Variants in OLFM3 observed in about 807,000 individuals in gnomAD.
The protein encoded by OLFM3 is olfactomedin 3, also known as noelin-3.
In OLFM3, 20 loss-of-function variants were observed where a neutral mutation model predicts 48.6. That is an observed-to-expected ratio of 0.41 (90% confidence interval 0.29 to 0.60). OLFM3 has a LOEUF of 0.60. Ranked by LOEUF, OLFM3 falls within the 20% of genes least tolerant of loss-of-function variation. The pLI is 0.28. For missense variants in OLFM3, 437 were observed against 544.3 expected (o/e 0.80, Z 1.96); for synonymous variants, 222 against 198.1 (o/e 1.12, Z -1.01).
At chr1:101,879,057 A>AATT (rs1445018090) in intron 1 of OLFM3, among the ~76,000 whole-genome samples, 4 of 151,896 alleles carry the variant, frequency 2.6e-5, no homozygotes, top group African/African-American at 9.7e-5. Flanking sequence ...GAATGAACTG[A>AATT]ATTATCACCT....
chr1:101,922,347 G>A (rs1281667879), intron 1 of OLFM3, among the ~76,000 whole-genome samples: 1 of 152,126 alleles, frequency 6.6e-6, no homozygotes, highest in Non-Finnish European at 1.5e-5. Flanking sequence ...AGAGTTAGGA[G>A]TATAACCAAG....
chr1:101,959,870 C>T (rs558330330), intron 1 of OLFM3, among the ~76,000 whole-genome samples: 6 of 152,078 alleles, frequency 3.9e-5, no homozygotes, highest in South Asian at 2.1e-4. Context: ...TAATTTCCCA[C>T]GAGAAATATG....
intron 1 of OLFM3, among the ~76,000 whole-genome samples, chr1:101,925,440 C>T (rs1327588): frequency 0.38 from 57,693 of 151,496 alleles, 11,907 homozygotes; most frequent in South Asian, 0.62. Flanking sequence ...TTAGTTCTAC[C>T]ATAGTACTCA....
chr1:101,965,770 A>G, intron 1 of OLFM3, among the ~76,000 whole-genome samples: 1 of 152,178 alleles, frequency 6.6e-6, no homozygotes, highest in Non-Finnish European at 1.5e-5. Flanking sequence ...AGAGGCATAT[A>G]TTTTATGTAC....
chr1:101,847,800 C>T (rs979435776), intron 1 of OLFM3, among the ~76,000 whole-genome samples: 2 of 151,992 alleles, frequency 1.3e-5, no homozygotes, highest in African/African-American at 4.8e-5. Context: ...TGAGGAATGA[C>T]GGACTGATAT....
intron 1 of OLFM3, among the ~76,000 whole-genome samples, chr1:101,947,802 C>T (rs1660006311): frequency 6.6e-6 from 1 of 152,126 alleles, no homozygotes; most frequent in Non-Finnish European, 1.5e-5. Context: ...TGCTCCACGG[C>T]TCTTTATATG....
intron 1 of OLFM3, among the ~76,000 whole-genome samples, chr1:101,952,137 T>G (rs536622999): frequency 6.6e-6 from 1 of 152,244 alleles, no homozygotes; most frequent in East Asian, 1.9e-4. Flanking sequence ...CATAAACAAC[T>G]GATTTGTCTT....
chr1:101,921,819 A>G (rs991418860), intron 1 of OLFM3, among the ~76,000 whole-genome samples: 1 of 152,142 alleles, frequency 6.6e-6, no homozygotes, highest in Non-Finnish European at 1.5e-5. Context: ...GCACTTTGGG[A>G]GGCCAAGGTG....
chr1:101,942,205 A>G (rs1415109), intron 1 of OLFM3, among the ~76,000 whole-genome samples: 61,005 of 152,024 alleles, frequency 0.4, 12,528 homozygotes, highest in East Asian at 0.51. Flanking sequence ...ACATAGATAT[A>G]CACATATACA....
chr1:101,847,093 C>T, intron 1 of OLFM3: 1 of 1,383,156 alleles, frequency 7.2e-7, no homozygotes, highest in East Asian at 2.6e-5. Context: ...ACTTCCCCAG[C>T]TCTAATCACC....
intron 1 of OLFM3, among the ~76,000 whole-genome samples, chr1:101,923,736 A>G (rs1320095378): frequency 6.6e-6 from 1 of 152,024 alleles, no homozygotes; most frequent in Non-Finnish European, 1.5e-5. Context: ...AGTTTCTTCA[A>G]TTTTCTAATT....
At chr1:101,972,909 T>G (rs1660848347) in intron 1 of OLFM3, among the ~76,000 whole-genome samples, 2 of 152,174 alleles carry the variant, frequency 1.3e-5, no homozygotes, top group African/African-American at 4.8e-5. Context: ...AACCACTTAT[T>G]GACTAGCTAC....
At chr1:101,962,124 T>A (rs970481906) in intron 1 of OLFM3, among the ~76,000 whole-genome samples, 1 of 152,196 alleles carries the variant, frequency 6.6e-6, no homozygotes. Flanking sequence ...CACTGCTCAT[T>A]AGTTATCAGC....
chr1:101,972,545 C>T (rs1269905968), intron 1 of OLFM3, among the ~76,000 whole-genome samples: 2 of 152,104 alleles, frequency 1.3e-5, no homozygotes, highest in Admixed American at 6.6e-5. Flanking sequence ...TTATATCTAA[C>T]TCCTTCAATT....
chr1:101,819,501 A>G (rs1423780423), intron 4 of OLFM3, among the ~76,000 whole-genome samples: 1 of 152,106 alleles, frequency 6.6e-6, no homozygotes, highest in Non-Finnish European at 1.5e-5. Context: ...AAAATCATGA[A>G]TGACACTCTG....
At chr1:101,921,568 C>T (rs1040450313) in intron 1 of OLFM3, among the ~76,000 whole-genome samples, 1 of 152,106 alleles carries the variant, frequency 6.6e-6, no homozygotes, top group Non-Finnish European at 1.5e-5. Flanking sequence ...GGGCTCATTT[C>T]CATTTGGGAC....
At chr1:101,809,145 A>G (rs1212968994) in intron 4 of OLFM3, among the ~76,000 whole-genome samples, 1 of 151,666 alleles carries the variant, frequency 6.6e-6, no homozygotes, top group African/African-American at 2.4e-5. Flanking sequence ...AAGGAGAGAG[A>G]AAAAGAGGGG....
At chr1:101,831,360 C>G (rs1357973344) in intron 2 of OLFM3, among the ~76,000 whole-genome samples, 1 of 152,136 alleles carries the variant, frequency 6.6e-6, no homozygotes, top group East Asian at 1.9e-4. Context: ...TACTAGAACA[C>G]TCCCTAAATT....
chr1:101,822,760 A>G (rs1654669971), intron 4 of OLFM3, among the ~76,000 whole-genome samples: 2 of 152,188 alleles, frequency 1.3e-5, no homozygotes, highest in African/African-American at 2.4e-5. Context: ...GCATTAAACT[A>G]AAGATATTTC....
Sources: gnomAD v4.1 joint callset for allele counts (sites outside exome capture counted in the v4.1 genomes callset) on GRCh38, gnomAD v4.1.1 for gene constraint, MANE v1.5 for transcripts, NCBI Gene and HGNC (gene_info 2026-07-23, HGNC 2026-07-21) for gene names.